BRF1: variants seen among roughly 807,000 people sequenced by gnomAD.
BRF1 encodes the protein transcription factor IIIB 90 kDa subunit.
In BRF1, 59 loss-of-function variants were observed where a neutral mutation model predicts 81.7. The ratio of observed to expected loss-of-function variants is 0.72; its 90% CI spans 0.59 to 0.90. The LOEUF is 0.90. Among genes scored for constraint, BRF1 ranks in the 40% least tolerant of loss-of-function variants. BRF1 has a pLI of 0.00. For synonymous variants in BRF1, 491 were observed against 395.6 expected (o/e 1.24, Z -2.86); for missense variants, 1,050 against 936.3 (o/e 1.12, Z -1.58).
intron 5 of BRF1, among the ~76,000 whole-genome samples, chr14:105,245,197 A>G (rs1566828276): frequency 6.6e-6 from 1 of 151,876 alleles, no homozygotes; most frequent in East Asian, 1.9e-4. Context: ...CGTCTCTACT[A>G]AAAAATACAA....
At chr14:105,286,001 C>A (rs1486000009) in intron 2 of BRF1, among the ~76,000 whole-genome samples, 1 of 152,220 alleles carries the variant, frequency 6.6e-6, no homozygotes, top group East Asian at 1.9e-4. Context: ...CAATATCCAA[C>A]TGCTATAAAT....
intron 5 of BRF1, chr14:105,249,570 C>A: frequency 6.3e-7 from 1 of 1,587,064 alleles, no homozygotes; most frequent in Non-Finnish European, 8.6e-7. Context: ...CTGATGGACT[C>A]CTCTCCCAGG....
At chr14:105,228,946 C>G (rs148884120) in intron 6 of BRF1, 33 bp from the exon 7 acceptor site, 19 of 1,602,770 alleles carry the variant, frequency 1.2e-5, no homozygotes, top group Non-Finnish European at 1.6e-5. Context: ...TCGTCAACCA[C>G]GGCTGGGAAC....
intron 5 of BRF1, chr14:105,249,372 G>A: frequency 6.2e-7 from 1 of 1,611,340 alleles, no homozygotes; most frequent in Non-Finnish European, 8.5e-7. Flanking sequence ...CGTCTTGGCT[G>A]TCGGCAGCTC....
intron 5 of BRF1, chr14:105,249,300 G>A (rs2055419823): frequency 9.5e-6 from 15 of 1,581,364 alleles, no homozygotes; most frequent in Non-Finnish European, 1.2e-5. Context: ...CCCGTCCGCC[G>A]TGTGGCTGAC....
chr14:105,282,933 A>G (rs1157622131), intron 2 of BRF1, among the ~76,000 whole-genome samples: 1 of 152,132 alleles, frequency 6.6e-6, no homozygotes, highest in East Asian at 1.9e-4. Flanking sequence ...ACTCCATCTC[A>G]AAAAACAAAC....
At chr14:105,217,399 C>T in intron 15 of BRF1, 145 bp downstream of exon 15, 1 of 1,313,972 alleles carries the variant, frequency 7.6e-7, no homozygotes, top group South Asian at 1.4e-5. Context: ...GAAGGCCCAC[C>T]AGTCCCCAGC....
chr14:105,248,442 G>C, intron 5 of BRF1: 2 of 985,284 alleles, frequency 2.0e-6, no homozygotes, highest in Non-Finnish European at 2.4e-6. Context: ...GCTCGCGCCG[G>C]TTGCTGGGCA....
chr14:105,281,599 C>A (rs763739258), intron 2 of BRF1, among the ~76,000 whole-genome samples: 2 of 152,056 alleles, frequency 1.3e-5, no homozygotes, highest in Non-Finnish European at 2.9e-5. Flanking sequence ...CGATGTGGGG[C>A]GGCTGACTGC....
At chr14:105,252,634 CTTT>C (rs1478742000) in intron 4 of BRF1, 55 bp from the exon 5 acceptor site, 1 of 1,563,998 alleles carries the variant, frequency 6.4e-7, no homozygotes, top group African/African-American at 1.4e-5. Context: ...GAAATGTTTG[CTTT>C]TTTTCTCTTA....
intron 10 of BRF1, among the ~76,000 whole-genome samples, chr14:105,223,470 A>C (rs1295711781): frequency 1.3e-5 from 2 of 152,246 alleles, no homozygotes; most frequent in Non-Finnish European, 2.9e-5. Flanking sequence ...AGGACTACCG[A>C]CTGCCACGCC....
chr14:105,215,449 A>G (rs1433014420), intron 15 of BRF1, among the ~76,000 whole-genome samples: 7 of 152,064 alleles, frequency 4.6e-5, no homozygotes, highest in Non-Finnish European at 7.4e-5. Flanking sequence ...ACAGGCACAC[A>G]CTGTGTGCAG....
chr14:105,248,487 G>A (rs1246475723), intron 5 of BRF1: 2 of 984,374 alleles, frequency 2.0e-6, no homozygotes, highest in African/African-American at 3.5e-5. Flanking sequence ...TCGGGCCTGG[G>A]GGCGGGGCCG....
intron 5 of BRF1, chr14:105,248,723 C>T: frequency 1.0e-6 from 1 of 981,930 alleles, no homozygotes; most frequent in Non-Finnish European, 1.2e-6. Context: ...TGCTGCTGCC[C>T]CTAGCCTGCC....
At chr14:105,213,428 C>CT (rs1890491490) in intron 15 of BRF1, 4 of 132,308 alleles carry the variant, frequency 3.0e-5, no homozygotes, top group African/African-American at 1.3e-4. Context: ...TTTTTTTTTT[C>CT]TGAGACGGAA....
intron 6 of BRF1, 52 bp from the exon 7 acceptor site, chr14:105,228,965 C>G (rs184541194): frequency 1.3e-6 from 2 of 1,547,754 alleles, no homozygotes; most frequent in South Asian, 2.2e-5. Context: ...ACCAGGGCAA[C>G]ATCTGTGGCG....
At position 105,210,457 on chromosome 14, in the gene BRF1, TG is replaced by T; in HGVS notation, c.*93del. 6.9e-7 allele frequency: 1 copy of T among 1,453,560 alleles called. No homozygotes were observed. The highest frequency in any genetic ancestry group is 9.4e-7 in the Non-Finnish European group (1 of 1,061,620). 90.0% of individuals were successfully genotyped at this position (1,453,560 alleles called of 1,614,324 possible). A position where few individuals can be genotyped will look rare whatever the true frequency, so the allele number is the denominator to read the frequency against. On this transcript the variant is annotated 3_prime_UTR_variant, in exon 18 of 18. Coordinates refer to ENST00000547530, the MANE Select transcript of BRF1 (RefSeq NM_001519.4). The surrounding 1 kb of genome is among the most constrained non-coding windows in gnomAD (Gnocchi z 4.7). Reference sequence around the variant, plus strand: ...CACCTGTCACCAGGAGTCTCGGCGCTGGGGCCTGCCTGCTGCGGTCCTGGAA... The same window carrying T: ...CACCTGTCACCAGGAGTCTCGGCGCTGGGCCTGCCTGCTGCGGTCCTGGAA...
At chr14:105,283,558 G>A (rs1461264054) in intron 2 of BRF1, among the ~76,000 whole-genome samples, 1 of 152,234 alleles carries the variant, frequency 6.6e-6, no homozygotes. Flanking sequence ...TAATTAGGGA[G>A]CATGTATGTT....
chr14:105,267,322 T>C (rs79496247), intron 3 of BRF1, among the ~76,000 whole-genome samples: 1 of 151,930 alleles, frequency 6.6e-6, no homozygotes, highest in Non-Finnish European at 1.5e-5. Flanking sequence ...TTTTTTTTTT[T>C]GAGACGGGGC....
Sources: allele counts gnomAD v4.1 joint callset (sites outside exome capture counted in the v4.1 genomes callset), GRCh38; gene constraint gnomAD v4.1.1; non-coding constraint Gnocchi (gnomAD v3.1); transcripts MANE v1.5; gene names NCBI Gene and HGNC (gene_info 2026-07-23, HGNC 2026-07-21).